EXT2: variants seen among roughly 807,000 people sequenced by gnomAD.
EXT2 encodes exostosin-2.
EXT2 carries 53 observed loss-of-function variants against 81.6 expected under a neutral mutation model. That is an observed-to-expected ratio of 0.65 (90% CI 0.52 to 0.82). The LOEUF is 0.82. Among genes scored for constraint, EXT2 ranks in the 40% least tolerant of loss-of-function variants. The pLI, the probability that EXT2 is intolerant of heterozygous loss-of-function variation, is 0.00. For missense variants in EXT2, 774 were observed against 910.2 expected (o/e 0.85, Z 1.93); for synonymous variants, 320 against 340.0 (o/e 0.94, Z 0.65).
At chr11:44,112,435 TG>T (rs1158485691) in intron 3 of EXT2, among the ~76,000 whole-genome samples, 4 of 152,228 alleles carry the variant, frequency 2.6e-5, no homozygotes, top group Non-Finnish European at 4.4e-5. Context: ...ATCTCTGATT[TG>T]GGGATACATA....
intron 7 of EXT2, 29 bp from the exon 8 acceptor site, chr11:44,171,582 C>A: frequency 6.2e-7 from 1 of 1,614,092 alleles, no homozygotes; most frequent in Middle Eastern, 1.6e-4. Flanking sequence ...CTCGCTTGCT[C>A]ACTTAAAACA....
At chr11:44,099,788 G>A (rs1021763503) in intron 1 of EXT2, among the ~76,000 whole-genome samples, 1 of 152,198 alleles carries the variant, frequency 6.6e-6, no homozygotes, top group Non-Finnish European at 1.5e-5. Flanking sequence ...GGTGATGTGG[G>A]TGCTCACAGG....
intron 10 of EXT2, among the ~76,000 whole-genome samples, chr11:44,207,188 C>CAA (rs1955593926): frequency 6.6e-6 from 1 of 152,232 alleles, no homozygotes; most frequent in Admixed American, 6.5e-5. Flanking sequence ...GTTTTGGGAA[C>CAA]TCCCAAGGAG....
At chr11:44,153,840 C>T (rs190858968) in intron 7 of EXT2, among the ~76,000 whole-genome samples, 297 of 152,018 alleles carry the variant, frequency 2.0e-3, no homozygotes, top group Middle Eastern at 0.017. Flanking sequence ...GCTGAACCAG[C>T]CTTGCATACC....
chr11:44,197,765 G>A (rs543945186), intron 8 of EXT2, 64 bp from the exon 9 acceptor site: 16 of 1,563,070 alleles, frequency 1.0e-5, no homozygotes, highest in South Asian at 2.2e-5. Context: ...GTTTGCTGAC[G>A]ATATTGGGTC....
intron 10 of EXT2, among the ~76,000 whole-genome samples, chr11:44,227,203 C>A (rs1955847452): frequency 6.6e-6 from 1 of 152,192 alleles, no homozygotes; most frequent in Non-Finnish European, 1.5e-5. Flanking sequence ...TTAGCACACA[C>A]CCTGAGTTTA....
chr11:44,171,826 G>A (rs1955079518), intron 8 of EXT2, 84 bp downstream of exon 8: 1 of 1,581,576 alleles, frequency 6.3e-7, no homozygotes, highest in Non-Finnish European at 8.6e-7. Context: ...CAATTGTAAA[G>A]GTTATTTAAA....
Position 44,243,238 on chromosome 11 carries a change from T to C in EXT2, c.2019-911T>C, listed in dbSNP as rs78408810. Reference sequence around the variant, plus strand: ...AAGCAGCTTTTCCAGGCGTTTTCCCTCTGGCCTAATGCTGAAGCGTCCTCA... The same window carrying C: ...AAGCAGCTTTTCCAGGCGTTTTCCCCCTGGCCTAATGCTGAAGCGTCCTCA... On this transcript the variant is annotated intron_variant, in intron 13 of 13. Transcript: ENST00000533608. Among the ~76,000 whole-genome samples, 840 of 152,272 alleles carry C rather than the reference T, an allele frequency of 5.5e-3. 13 individuals carry two copies. The highest frequency in any genetic ancestry group is 0.019 in the African/African-American group (795 of 41,542).
intron 3 of EXT2, among the ~76,000 whole-genome samples, chr11:44,113,936 A>G (rs1954182051): frequency 6.6e-6 from 1 of 152,068 alleles, no homozygotes; most frequent in South Asian, 2.1e-4. Flanking sequence ...CTGGACTATG[A>G]TGTGTTTCAA....
intron 7 of EXT2, among the ~76,000 whole-genome samples, chr11:44,166,861 A>G (rs1565218737): frequency 6.6e-6 from 1 of 152,244 alleles, no homozygotes; most frequent in Non-Finnish European, 1.5e-5. Context: ...CTCGGATAAG[A>G]AACTGCCTTC....
At chr11:44,187,618 T>C (rs547678532) in intron 8 of EXT2, among the ~76,000 whole-genome samples, 1 of 152,360 alleles carries the variant, frequency 6.6e-6, no homozygotes. Flanking sequence ...AGTATAATGC[T>C]GTATCACATG....
At chr11:44,159,833 G>T (rs1236639534) in intron 7 of EXT2, among the ~76,000 whole-genome samples, 3 of 152,170 alleles carry the variant, frequency 2.0e-5, no homozygotes, top group Non-Finnish European at 4.4e-5. Context: ...ACCTTGCTTA[G>T]GTGGGACAGG....
intron 2 of EXT2, 138 bp downstream of exon 2, chr11:44,108,386 T>G (rs1053579284): frequency 1.4e-4 from 128 of 928,222 alleles, no homozygotes; most frequent in Non-Finnish European, 2.0e-4. Context: ...CGGGGTGTGT[T>G]GGAGGGACTG....
At chr11:44,223,844 G>A (rs954411792) in intron 10 of EXT2, among the ~76,000 whole-genome samples, 2 of 151,972 alleles carry the variant, frequency 1.3e-5, no homozygotes, top group African/African-American at 4.8e-5. Flanking sequence ...GTAGAGACGG[G>A]GTTTCACCGT....
intron 3 of EXT2, among the ~76,000 whole-genome samples, chr11:44,110,016 C>T (rs576215235): frequency 2.6e-5 from 4 of 152,146 alleles, no homozygotes; most frequent in East Asian, 3.9e-4. Context: ...AAAGTTGGGG[C>T]GCAATATATA....
intron 7 of EXT2, among the ~76,000 whole-genome samples, chr11:44,136,400 A>G (rs1820738458): frequency 6.6e-6 from 1 of 152,260 alleles, no homozygotes; most frequent in South Asian, 2.1e-4. Flanking sequence ...GACAAGCAGC[A>G]CACTCTGTTC....
intron 7 of EXT2, among the ~76,000 whole-genome samples, chr11:44,141,023 C>T (rs10838240): frequency 0.26 from 39,869 of 151,978 alleles, 6,152 homozygotes; most frequent in Admixed American, 0.43. Context: ...TTTTATTACT[C>T]GTGTAGCTGT....
chr11:44,116,969 C>CTTTTTTT (rs555225810), intron 4 of EXT2: 1 of 137,584 alleles, frequency 7.3e-6, no homozygotes, highest in Non-Finnish European at 1.6e-5. Flanking sequence ...TTTTCACTTT[C>CTTTTTTT]TTTTTTTTTT....
intron 10 of EXT2, among the ~76,000 whole-genome samples, chr11:44,210,423 T>C (rs1590650261): frequency 6.6e-6 from 1 of 152,274 alleles, no homozygotes; most frequent in East Asian, 1.9e-4. Context: ...TGATTCCATA[T>C]ATATAAAATT....
Sources: allele counts gnomAD v4.1 joint callset (sites outside exome capture counted in the v4.1 genomes callset), GRCh38; gene constraint gnomAD v4.1.1; transcripts MANE v1.5; gene names NCBI Gene and HGNC (gene_info 2026-07-23, HGNC 2026-07-21).